Variants in ERG observed in about 807,000 individuals in gnomAD.
The protein encoded by ERG is transcriptional regulator ERG.
Under a neutral mutation model 55.3 loss-of-function variants are expected in ERG, and 9 were observed. The ratio of observed to expected loss-of-function variants is 0.16; its 90% CI spans 0.10 to 0.28. The LOEUF (loss-of-function observed/expected upper bound fraction) is 0.28. Ranked by LOEUF, ERG falls within the 10% of genes least tolerant of loss-of-function variation. ERG has a pLI of 1.00. For synonymous variants in ERG, 223 were observed against 237.3 expected, an observed-to-expected ratio of 0.94 and a Z score of 0.55; for missense variants, 434 against 631.6, an observed-to-expected ratio of 0.69 and a Z score of 3.35.
chr21:38,545,438 C>G (rs1426504929), intron 2 of ERG, among the ~76,000 whole-genome samples: 1 of 152,144 alleles, frequency 6.6e-6, no homozygotes, highest in Non-Finnish European at 1.5e-5. Context: ...GCATCTGCGC[C>G]CCTGAGACAG....
chr21:38,526,684 A>C lies in ERG; in HGVS notation c.-41+48978T>G, dbSNP rs542018085. Reference sequence around the variant, plus strand: ...ATCCCCCAAAATGTCCATAGATGTTATTTCTGAGTGAGGAGGGTCAGGAAG... The same window carrying C: ...ATCCCCCAAAATGTCCATAGATGTTCTTTCTGAGTGAGGAGGGTCAGGAAG... On this transcript the variant is annotated intron_variant, in intron 2 of 8. Coordinates refer to the ERG transcript ENST00000398897. Among the ~76,000 whole-genome samples the C allele has an allele frequency of 2.0e-5, 3 of 152,280 alleles. No homozygotes were observed. In the East Asian group the frequency reaches 5.8e-4, roughly 29 times the overall value.
At chr21:38,452,704 C>T (rs895058275) in intron 1 of ERG, among the ~76,000 whole-genome samples, 3 of 152,180 alleles carry the variant, frequency 2.0e-5, no homozygotes, top group African/African-American at 7.2e-5. Context: ...CTATGCTCAG[C>T]ACATCCCTTC....
At position 38,462,129 on chromosome 21, in the gene ERG, C is replaced by T. The variant is rs553175679; in HGVS notation, c.19-16508G>A. ...CTGAGTAGCTGGGACTACAGGTACC[C>T]GCCACCACGCCTGGCTAATTTTTTT... On this transcript the variant is annotated intron_variant, in intron 1 of 9. Transcript: ENST00000288319. Among the ~76,000 whole-genome samples, 151 of 152,028 alleles carry T rather than the reference C, an allele frequency of 9.9e-4. 2 individuals are homozygous for T. The highest frequency in any genetic ancestry group is 2.9e-3 in the African/African-American group (120 of 41,438).
chr21:38,641,422 T>C (rs927742010), intron 1 of ERG, among the ~76,000 whole-genome samples: 14 of 152,324 alleles, frequency 9.2e-5, no homozygotes, highest in Admixed American at 7.2e-4. Context: ...AATAAAGTCT[T>C]GTTTATGACC....
chr21:38,631,709 A>C, intron 1 of ERG, among the ~76,000 whole-genome samples: 1 of 152,034 alleles, frequency 6.6e-6, no homozygotes, highest in East Asian at 1.9e-4. Flanking sequence ...CAATCTATGC[A>C]TAAAGGCAAA....
chr21:38,521,317 C>T (rs2059592736), intron 2 of ERG, among the ~76,000 whole-genome samples: 1 of 152,208 alleles, frequency 6.6e-6, no homozygotes, highest in African/African-American at 2.4e-5. Context: ...CGATTATTAG[C>T]TGCATTTTAT....
rs146646936 is a variant in ERG at position 38,472,799 on chromosome 21, C to T, written c.18+25564G>A. On this transcript the variant is annotated intron_variant, in intron 1 of 9. Transcript: ENST00000288319. ...ACGCTCAAAGCAGAAAATGGCTGCA[C>T]GTGGGCAATTCGTGCGCTTGGAGCT... 7.7e-3 allele frequency among the ~76,000 whole-genome samples: 1,177 copies of T among 152,346 alleles called. 2 individuals carry two copies. The highest frequency in any genetic ancestry group is 0.017 in the Middle Eastern group (5 of 294).
At chr21:38,453,017 G>A (rs1415634135) in intron 1 of ERG, among the ~76,000 whole-genome samples, 1 of 152,196 alleles carries the variant, frequency 6.6e-6, no homozygotes, top group Non-Finnish European at 1.5e-5. Flanking sequence ...TGCTATAAAT[G>A]GGATCCACAA....
At chr21:38,531,566 C>T (rs572023813) in intron 2 of ERG, among the ~76,000 whole-genome samples, 1 of 152,208 alleles carries the variant, frequency 6.6e-6, no homozygotes, top group East Asian at 1.9e-4. Flanking sequence ...AATAAGATGC[C>T]ATTTTTAATT....
chr21:38,402,728 A>AAG lies in ERG; in HGVS notation c.593-92_593-91insCT, dbSNP rs1054357642. 9 of 795,516 alleles carry AAG rather than the reference A, an allele frequency of 1.1e-5. No homozygotes were observed. The South Asian group carries it at 1.2e-4, about 10-fold the overall frequency. 49.3% of individuals were successfully genotyped at this position (795,516 alleles called of 1,614,324 possible). ...CCTTTCTTACAAAAAAAAAAAAAAA[A>AAG]AAAGAAAGAAAAAGAAAGAAAGAAA... is the stretch of plus-strand genomic sequence containing the variant. On this transcript the variant is annotated intron_variant, in intron 4 of 9. Transcript: ENST00000288319.
intron 1 of ERG, among the ~76,000 whole-genome samples, chr21:38,479,955 T>C (rs1464172642): frequency 1.3e-5 from 2 of 152,186 alleles, no homozygotes; most frequent in African/African-American, 4.8e-5. Flanking sequence ...TTACGGCTTC[T>C]CTTTAACATA....
At chr21:38,497,360 C>T (rs1197930003) in intron 1 of ERG, among the ~76,000 whole-genome samples, 1 of 152,204 alleles carries the variant, frequency 6.6e-6, no homozygotes, top group Non-Finnish European at 1.5e-5. Context: ...TTCTCACCTC[C>T]GTGCAGCAAA....
At chr21:38,413,341 T>A (rs1358318744) in intron 3 of ERG, among the ~76,000 whole-genome samples, 1 of 152,212 alleles carries the variant, frequency 6.6e-6, no homozygotes, top group Non-Finnish European at 1.5e-5. Context: ...CCTCTCTATT[T>A]TACTAGAACC....
At chr21:38,549,833 G>A (rs1424552345) in intron 2 of ERG, among the ~76,000 whole-genome samples, 1 of 152,150 alleles carries the variant, frequency 6.6e-6, no homozygotes, top group East Asian at 1.9e-4. Flanking sequence ...GTGAGAGTGA[G>A]GGGAAGCGAG....
chr21:38,625,616 C>T (rs2060319668), intron 1 of ERG, among the ~76,000 whole-genome samples: 1 of 152,136 alleles, frequency 6.6e-6, no homozygotes, highest in South Asian at 2.1e-4. Flanking sequence ...GAAGGCAGAA[C>T]GCTCCTCAAA....
chr21:38,450,988 T>C, intron 1 of ERG: 2 of 438,708 alleles, frequency 4.6e-6, no homozygotes, highest in Non-Finnish European at 4.5e-6. Flanking sequence ...TGTCTGTGAA[T>C]GGAATCATTC....
At chr21:38,438,625 A>C (rs1346607727) in intron 2 of ERG, among the ~76,000 whole-genome samples, 1 of 152,240 alleles carries the variant, frequency 6.6e-6, no homozygotes, top group East Asian at 1.9e-4. Flanking sequence ...GGCAAGGCCC[A>C]GATAGCATTG....
intron 1 of ERG, among the ~76,000 whole-genome samples, chr21:38,612,890 T>C (rs1313950818): frequency 6.6e-6 from 1 of 152,146 alleles, no homozygotes; most frequent in Non-Finnish European, 1.5e-5. Flanking sequence ...CTCGATCTCC[T>C]GACCTCGTGA....
At chr21:38,437,832 A>T (rs1388637159) in intron 2 of ERG, among the ~76,000 whole-genome samples, 2 of 152,120 alleles carry the variant, frequency 1.3e-5, no homozygotes, top group African/African-American at 2.4e-5. Context: ...TCTCACGCAG[A>T]TGTCTCCCAT....
Sources: allele counts gnomAD v4.1 joint callset (sites outside exome capture counted in the v4.1 genomes callset), GRCh38; gene constraint gnomAD v4.1.1; transcripts MANE v1.5; gene names NCBI Gene and HGNC (gene_info 2026-07-23, HGNC 2026-07-21).